GRIK5: variants seen among roughly 807,000 people sequenced by gnomAD.
GRIK5 encodes the protein glutamate receptor ionotropic, kainate 5.
Under a neutral mutation model 97.4 loss-of-function variants are expected in GRIK5, and 43 were observed. The observed-to-expected ratio is 0.44, with a 90% CI of 0.35 to 0.57. The LOEUF (loss-of-function observed/expected upper bound fraction) is 0.57. Ranked by LOEUF, GRIK5 falls within the 20% of genes least tolerant of loss-of-function variation. GRIK5 has a pLI of 0.01. For synonymous variants in GRIK5, 580 were observed against 583.5 expected (o/e 0.99, Z 0.09); for missense variants, 1,015 against 1,382.0 (o/e 0.73, Z 4.21).
intron 15 of GRIK5, among the ~76,000 whole-genome samples, chr19:42,018,257 G>A (rs564401323): frequency 2.0e-5 from 3 of 151,470 alleles, no homozygotes; most frequent in African/African-American, 7.3e-5. Context: ...CCGGGAGGTG[G>A]AGCTTGCAGT....
intron 11 of GRIK5, chr19:42,043,034 G>T: frequency 2.0e-6 from 1 of 511,058 alleles, no homozygotes; most frequent in South Asian, 2.5e-5. Context: ...GCTCAAATGC[G>T]TATGAGGGAG....
intron 15 of GRIK5, among the ~76,000 whole-genome samples, chr19:42,009,312 G>A (rs1325732367): frequency 6.6e-6 from 1 of 151,922 alleles, no homozygotes; most frequent in East Asian, 1.9e-4. Context: ...GCGCGATCTC[G>A]ACTCACTGCA....
rs375944829 is a variant in GRIK5, at chr19:42,005,769, G to A, written c.2217C>T (p.Ile739=). The change falls in exon 17 of 20, where the codon ATC becomes ATT. Residue 739 remains isoleucine (I), a synonymous_variant. Coordinates refer to ENST00000593562, the MANE Select transcript of GRIK5 (RefSeq NM_002088.5). Reference sequence around the variant, plus strand: ...AGCCCTTGGTGTCGAGGAGTCCCCCGATCTGGGTGAGGTTGCAGTTGAGGC... The same window carrying A: ...AGCCCTTGGTGTCGAGGAGTCCCCCAATCTGGGTGAGGTTGCAGTTGAGGC... The part of the protein sequence containing the change: ...HRRLNCNLTQ[I]GGLLDTKGYG... The A allele has an allele frequency of 5.7e-5, 92 of 1,614,056 alleles. 1 individual carries two copies. The highest frequency in any genetic ancestry group is 1.6e-4 in the African/African-American group (12 of 75,062).
At chr19:42,061,038 C>CTTTATTTA (rs371664494) in intron 5 of GRIK5, among the ~76,000 whole-genome samples, 7 of 152,206 alleles carry the variant, frequency 4.6e-5, no homozygotes, top group East Asian at 1.9e-4. Flanking sequence ...TAATAAATAC[C>CTTTATTTA]TTTATTTATT....
rs905031979 is a variant in GRIK5 at position 42,070,159 on chromosome 19, G to A, written c.-969C>T. On this transcript the variant is annotated 5_prime_UTR_variant, in exon 1 of 20. Transcript: ENST00000593562. ...ACCGCTCAGTCTCCCCTCCGAGGCCGCCGCCTGCCTGCCCGCCTGCCGCCT... is the reference window on the plus strand; with the variant it reads ...ACCGCTCAGTCTCCCCTCCGAGGCCACCGCCTGCCTGCCCGCCTGCCGCCT... 2.0e-5 allele frequency among the ~76,000 whole-genome samples: 3 copies of A among 152,072 alleles called. No individual in the cohort carries two copies. The highest frequency in any genetic ancestry group is 6.5e-5 in the Admixed American group (1 of 15,286).
In GRIK5 at chr19:42,015,987, T is replaced by C. The variant is rs184215219; in HGVS notation, c.1871+5314A>G. ...GGATGGGGATGGAGTGAGGGCTTGA[T>C]AGAGAGACATGAATTAAACAGCCTC... On this transcript the variant is annotated intron_variant, in intron 15 of 19. Transcript: ENST00000593562. 2.0e-5 allele frequency among the ~76,000 whole-genome samples: 3 copies of C among 152,258 alleles called. No individual in the cohort carries two copies. In the East Asian group the frequency reaches 5.8e-4, roughly 29 times the overall value.
At chr19:42,046,471 T>A (rs750316168) in intron 11 of GRIK5, among the ~76,000 whole-genome samples, 2 of 152,084 alleles carry the variant, frequency 1.3e-5, no homozygotes, top group African/African-American at 2.4e-5. Context: ...CTAAGTCCAG[T>A]TCTAAGAATT....
At chr19:42,012,778 G>A (rs2075579270) in intron 15 of GRIK5, among the ~76,000 whole-genome samples, 1 of 151,380 alleles carries the variant, frequency 6.6e-6, no homozygotes, top group South Asian at 2.1e-4. Flanking sequence ...GAGGTGGGAG[G>A]ATTCCTTAAG....
chr19:42,022,084 G>A lies in GRIK5; in HGVS notation c.1588-28C>T. On this transcript the variant is annotated intron_variant, in intron 13 of 19. Coordinates refer to ENST00000593562, the MANE Select transcript of GRIK5 (RefSeq NM_002088.5). This position sits in a 1 kb window ranked among gnomAD's most constrained non-coding sequence, Gnocchi z 4.2. ...GTGGGGAGAGGGAGTGAGACCCGGA[G>A]ACACCCCTGGCCTGAGCCTCACACC... The A allele has an allele frequency of 6.5e-7, 1 of 1,540,420 alleles. No homozygotes were observed. Among genetic ancestry groups the A allele is most frequent in the Admixed American group, 1.7e-5 (1 of 57,366 alleles).
intron 11 of GRIK5, among the ~76,000 whole-genome samples, chr19:42,046,827 G>A (rs1341581999): frequency 6.6e-6 from 1 of 152,098 alleles, no homozygotes; most frequent in Non-Finnish European, 1.5e-5. Flanking sequence ...CTCCTCACCT[G>A]CCTTGTACTC....
rs1413880291 is a variant in GRIK5, at chr19:42,009,969, G to A, written c.1872-3159C>T. On this transcript the variant is annotated intron_variant, in intron 15 of 19. Coordinates refer to ENST00000593562, the MANE Select transcript of GRIK5 (RefSeq NM_002088.5). Reference sequence around the variant, plus strand: ...TAATCCCAGCTACTTGGGAGGCTGAGACAGGACAACTGCTTGATCCCAGGA... The same window carrying A: ...TAATCCCAGCTACTTGGGAGGCTGAAACAGGACAACTGCTTGATCCCAGGA... Among the ~76,000 whole-genome samples the A allele has an allele frequency of 5.3e-5, 8 of 150,526 alleles. No individual in the cohort carries two copies. The East Asian group carries it at 1.4e-3, about 26-fold the overall frequency.
intron 6 of GRIK5, among the ~76,000 whole-genome samples, chr19:42,057,883 G>A (rs2076208057): frequency 6.6e-6 from 1 of 152,158 alleles, no homozygotes; most frequent in Non-Finnish European, 1.5e-5. Context: ...AATTCTTCCT[G>A]CCAGAAGCAC....
At chr19:42,011,996 G>A (rs1410070391) in intron 15 of GRIK5, among the ~76,000 whole-genome samples, 2 of 151,972 alleles carry the variant, frequency 1.3e-5, no homozygotes, top group Non-Finnish European at 2.9e-5. Context: ...ACCCCCTAAA[G>A]GTAGAAAAAG....
At chr19:42,014,712 G>A (rs2075604670) in intron 15 of GRIK5, among the ~76,000 whole-genome samples, 1 of 152,016 alleles carries the variant, frequency 6.6e-6, no homozygotes, top group Admixed American at 6.6e-5. Context: ...GAACCCAGGA[G>A]GTGGAGGTTG....
At position 42,063,298 on chromosome 19, in the gene GRIK5, T is replaced by G. The variant is rs147659086; in HGVS notation, c.245-443A>C. 1.3e-5 allele frequency: 6 copies of G among 458,164 alleles called. No homozygotes were observed. The East Asian group carries it at 4.1e-4, about 32-fold the overall frequency. 28.4% of individuals were successfully genotyped at this position (458,164 alleles called of 1,614,324 possible). A position where few individuals can be genotyped will look rare whatever the true frequency, so the allele number is the denominator to read the frequency against. On this transcript the variant is annotated intron_variant, in intron 3 of 19. Transcript: ENST00000593562. Reference sequence around the variant, plus strand: ...CCAAACACCACTCTCCCACTGCACTTACTTCCTCCTCTTTCTTCTGCTCTC... The same window carrying G: ...CCAAACACCACTCTCCCACTGCACTGACTTCCTCCTCTTTCTTCTGCTCTC...
rs1555871731 is a variant in GRIK5 at position 42,003,745 on chromosome 19, C to T, written c.2264-62G>A. ...GCCCTGCAGCCCTGACCGCCCCAAA[C>T]CCCAAACTGTGCCCTCACCACGGCC... On this transcript the variant is annotated intron_variant, in intron 17 of 19. Transcript: ENST00000593562. This position sits in a 1 kb window ranked among gnomAD's most constrained non-coding sequence, Gnocchi z 4.2. 2.7e-6 allele frequency: 4 copies of T among 1,500,574 alleles called. No individual in the cohort carries two copies. The highest frequency in any genetic ancestry group is 2.3e-5 in the Admixed American group (1 of 43,494). 93.0% of individuals were successfully genotyped at this position (1,500,574 alleles called of 1,614,324 possible). A position where few individuals can be genotyped will look rare whatever the true frequency, so the allele number is the denominator to read the frequency against.
chr19:42,035,510 A>G (rs547191303), intron 12 of GRIK5, among the ~76,000 whole-genome samples: 1 of 152,056 alleles, frequency 6.6e-6, no homozygotes, highest in South Asian at 2.1e-4. Context: ...AGTCGAGACC[A>G]GCCTGGCCTA....
chr19:42,011,905 C>T (rs1016755873), intron 15 of GRIK5, among the ~76,000 whole-genome samples: 2 of 151,976 alleles, frequency 1.3e-5, no homozygotes, highest in Admixed American at 6.6e-5. Context: ...GCCCAGGAGT[C>T]GTGTTCGTGC....
At position 42,022,120 on chromosome 19, in the gene GRIK5, C is replaced by T. The variant is rs774266147; in HGVS notation, c.1588-64G>A. The T allele has an allele frequency of 2.8e-5, 40 of 1,411,802 alleles. No individual in the cohort carries two copies. Among genetic ancestry groups the T allele is most frequent in the Non-Finnish European group, 2.9e-5 (29 of 1,008,496 alleles). 87.5% of individuals were successfully genotyped at this position (1,411,802 alleles called of 1,614,324 possible). On this transcript the variant is annotated intron_variant, in intron 13 of 19. Transcript: ENST00000593562. This position sits in a 1 kb window ranked among gnomAD's most constrained non-coding sequence, Gnocchi z 4.2. The stretch of plus-strand genomic sequence containing the variant: ...CCTGAGCCTCACACCCAGCCCCTGC[C>T]CTACCAGGGACCTGGGAGCCTGACC...
Sources: gnomAD v4.1 joint callset for allele counts (sites outside exome capture counted in the v4.1 genomes callset) on GRCh38, gnomAD v4.1.1 for gene constraint, Gnocchi (gnomAD v3.1) non-coding constraint, MANE v1.5 for transcripts, NCBI Gene and HGNC (gene_info 2026-07-23, HGNC 2026-07-21) for gene names.